LRRTM4: variants seen among roughly 807,000 people sequenced by gnomAD.
LRRTM4 encodes leucine-rich repeat transmembrane neuronal protein 4.
LRRTM4 carries 25 observed loss-of-function variants against 47.6 expected under a neutral mutation model. The observed-to-expected ratio is 0.53, with a 90% CI of 0.38 to 0.73. The LOEUF (loss-of-function observed/expected upper bound fraction) is 0.73. Among genes scored for constraint, LRRTM4 ranks in the 30% least tolerant of loss-of-function variants. LRRTM4 has a pLI of 0.00. For missense variants in LRRTM4, 638 were observed against 713.4 expected, an observed-to-expected ratio of 0.89 and a Z score of 1.20; for synonymous variants, 311 against 269.5, an observed-to-expected ratio of 1.15 and a Z score of -1.51.
intron 3 of LRRTM4, chr2:76,989,886 A>C (rs907478947): frequency 6.6e-6 from 1 of 151,862 alleles, no homozygotes; most frequent in East Asian, 1.9e-4. Flanking sequence ...GAAATGATAG[A>C]AGCTAATTGT....
chr2:77,265,746 T>A (rs1373528535), intron 3 of LRRTM4, among the ~76,000 whole-genome samples: 1 of 152,088 alleles, frequency 6.6e-6, no homozygotes, highest in East Asian at 1.9e-4. Flanking sequence ...CTTTTCAAAT[T>A]GGAGGAAGTA....
intron 3 of LRRTM4, among the ~76,000 whole-genome samples, chr2:77,287,626 T>C (rs1676701275): frequency 6.6e-6 from 1 of 152,014 alleles, no homozygotes; most frequent in African/African-American, 2.4e-5. Flanking sequence ...TTTCCCTCTA[T>C]CCAGTGCAGG....
chr2:76,994,316 A>G (rs1677120415), intron 3 of LRRTM4, among the ~76,000 whole-genome samples: 1 of 151,902 alleles, frequency 6.6e-6, no homozygotes. Context: ...TGAGAAAAAA[A>G]TAAAATAAAA....
At chr2:77,283,677 G>T (rs1041999845) in intron 3 of LRRTM4, among the ~76,000 whole-genome samples, 2 of 151,996 alleles carry the variant, frequency 1.3e-5, no homozygotes, top group Admixed American at 1.3e-4. Context: ...GCAACAACAT[G>T]GATGCAGCTG....
chr2:76,808,132 G>T (rs1004657393), intron 3 of LRRTM4, among the ~76,000 whole-genome samples: 1 of 151,584 alleles, frequency 6.6e-6, no homozygotes, highest in Non-Finnish European at 1.5e-5. Context: ...GGATTCTCCT[G>T]CCTCAGCCTT....
intron 3 of LRRTM4, among the ~76,000 whole-genome samples, chr2:76,923,223 T>A (rs918610699): frequency 3.9e-5 from 6 of 152,108 alleles, no homozygotes; most frequent in Non-Finnish European, 8.8e-5. Flanking sequence ...TTCGTTTTTA[T>A]TGTTTTACCT....
chr2:76,878,920 T>C (rs1672851439), intron 3 of LRRTM4, among the ~76,000 whole-genome samples: 1 of 151,980 alleles, frequency 6.6e-6, no homozygotes, highest in Admixed American at 6.6e-5. Context: ...TATGAAGAAA[T>C]TTTAGTGGCC....
At chr2:76,981,956 A>C (rs932705585) in intron 3 of LRRTM4, among the ~76,000 whole-genome samples, 2 of 152,066 alleles carry the variant, frequency 1.3e-5, no homozygotes, top group African/African-American at 4.8e-5. Context: ...GGGTCACTGA[A>C]AATTAAACTG....
chr2:77,340,225 G>A (rs1671321773), intron 3 of LRRTM4, among the ~76,000 whole-genome samples: 1 of 151,746 alleles, frequency 6.6e-6, no homozygotes, highest in African/African-American at 2.4e-5. Context: ...TGCTGGAGGT[G>A]GCAACATAGA....
chr2:77,025,978 T>C (rs992814742), intron 3 of LRRTM4, among the ~76,000 whole-genome samples: 2 of 152,152 alleles, frequency 1.3e-5, no homozygotes, highest in East Asian at 1.9e-4. Context: ...ATTGCACATG[T>C]TTCCTACTTG....
intron 3 of LRRTM4, among the ~76,000 whole-genome samples, chr2:76,749,264 A>G (rs1672763260): frequency 6.6e-6 from 1 of 152,132 alleles, no homozygotes; most frequent in Non-Finnish European, 1.5e-5. Context: ...GATCTTAACA[A>G]TATAGGGGAG....
At chr2:77,322,624 G>C (rs1334732084) in intron 3 of LRRTM4, among the ~76,000 whole-genome samples, 2 of 151,698 alleles carry the variant, frequency 1.3e-5, no homozygotes, top group African/African-American at 4.8e-5. Context: ...GCTTCTGCCA[G>C]GAACACTTAC....
intron 3 of LRRTM4, among the ~76,000 whole-genome samples, chr2:77,104,646 C>G (rs1671043947): frequency 6.6e-6 from 1 of 152,076 alleles, no homozygotes; most frequent in Non-Finnish European, 1.5e-5. Flanking sequence ...GCACAAGATC[C>G]GACAGACCTG....
At chr2:77,209,728 A>G (rs1674240236) in intron 3 of LRRTM4, among the ~76,000 whole-genome samples, 1 of 152,246 alleles carries the variant, frequency 6.6e-6, no homozygotes, top group African/African-American at 2.4e-5. Context: ...AAAAGGCAAC[A>G]AAACAATTGC....
intron 3 of LRRTM4, among the ~76,000 whole-genome samples, chr2:76,923,590 C>T (rs1674501061): frequency 6.6e-6 from 1 of 151,966 alleles, no homozygotes; most frequent in South Asian, 2.1e-4. Flanking sequence ...ACTATCAACA[C>T]AAGAAAATCT....
At chr2:77,086,017 G>A (rs898148728) in intron 3 of LRRTM4, among the ~76,000 whole-genome samples, 1 of 152,116 alleles carries the variant, frequency 6.6e-6, no homozygotes, top group Non-Finnish European at 1.5e-5. Flanking sequence ...GAGAAAGTAC[G>A]TGAGTTAAAT....
chr2:76,858,037 TATAA>T (rs1672205265), intron 3 of LRRTM4, among the ~76,000 whole-genome samples: 1 of 152,120 alleles, frequency 6.6e-6, no homozygotes, highest in African/African-American at 2.4e-5. Context: ...ATTGAAACAG[TATAA>T]ATAACATCAT....
intron 3 of LRRTM4, among the ~76,000 whole-genome samples, chr2:76,886,191 T>C (rs531764137): frequency 3.5e-4 from 54 of 152,290 alleles, no homozygotes; most frequent in African/African-American, 1.1e-3. Context: ...TATAACATTT[T>C]TCTGTTCATA....
At chr2:77,487,039 T>G (rs917903976) in intron 3 of LRRTM4, among the ~76,000 whole-genome samples, 1 of 152,094 alleles carries the variant, frequency 6.6e-6, no homozygotes, top group African/African-American at 2.4e-5. Context: ...CTAGCAAAAA[T>G]TTAAAAATTA....
Sources: allele counts gnomAD v4.1 joint callset (sites outside exome capture counted in the v4.1 genomes callset), GRCh38; gene constraint gnomAD v4.1.1; transcripts MANE v1.5; gene names NCBI Gene and HGNC (gene_info 2026-07-23, HGNC 2026-07-21).